CDC40: variants seen among roughly 807,000 people sequenced by gnomAD.
CDC40 encodes pre-mRNA-processing factor 17.
In CDC40, 27 loss-of-function variants were observed where a neutral mutation model predicts 80.6. The ratio of observed to expected loss-of-function variants is 0.33; its 90% CI spans 0.25 to 0.46. CDC40 has a LOEUF of 0.46. Among genes scored for constraint, CDC40 ranks in the 20% least tolerant of loss-of-function variants. The pLI, the probability that CDC40 is intolerant of heterozygous loss-of-function variation, is 1.00. For missense variants in CDC40, 486 were observed against 694.1 expected (o/e 0.70, Z 3.37); for synonymous variants, 221 against 232.6 (o/e 0.95, Z 0.45).
intron 9 of CDC40, among the ~76,000 whole-genome samples, chr6:110,217,108 A>C (rs1488443235): frequency 6.6e-6 from 1 of 152,182 alleles, no homozygotes; most frequent in Non-Finnish European, 1.5e-5. Context: ...CCCTATCTCA[A>C]AATAAAAATA....
In CDC40 at chr6:110,215,302, G is replaced by A. The variant is rs768630865; in HGVS notation, c.959G>A (p.Gly320Glu). 1.2e-6 allele frequency: 2 copies of A among 1,613,536 alleles called. No individual in the cohort carries two copies. Among genetic ancestry groups the A allele is most frequent in the South Asian group, 1.1e-5 (1 of 91,056 alleles). The change falls in exon 9 of 15, where the codon GGA (glycine) becomes GAA (glutamate). Residue 320 changes from glycine to glutamate, a missense_variant. Around this residue, in one of 3 missense-constraint regions of CDC40, gnomAD observed 381 missense variants for 492.1 expected, o/e 0.77. Transcript: ENST00000307731. The stretch of plus-strand genomic sequence containing the variant: ...CTCCCCCAGCTATGGGAGGTTTATG[G>A]AGAACGGCGCTGTCTGAGAACATTT... ...DCKIKLWEVY[G>E]ERRCLRTFIG...
intron 5 of CDC40, among the ~76,000 whole-genome samples, chr6:110,210,366 ACAGTAAAACCCT>A (rs1777621218): frequency 6.6e-6 from 1 of 151,418 alleles, no homozygotes; most frequent in South Asian, 2.1e-4. Context: ...CCTGGGCAAC[ACAGTAAAACCCT>A]GTCTCTACTA....
Position 110,230,374 on chromosome 6 carries a change from C to G in CDC40, c.*243C>G. The G allele has an allele frequency of 2.6e-6, 1 of 384,692 alleles. No individual in the cohort carries two copies. The highest frequency in any genetic ancestry group is 4.6e-6 in the Non-Finnish European group (1 of 215,614). 23.8% of individuals were successfully genotyped at this position (384,692 alleles called of 1,614,324 possible). On this transcript the variant is annotated 3_prime_UTR_variant, in exon 15 of 15. Transcript: ENST00000307731. ...CTATTTGACAAGTAGTTATAATTGG[C>G]AAGCAGTTTGAGTTTATACTCATGA...
chr6:110,209,421 T>C, intron 5 of CDC40, 198 bp downstream of exon 5: 1 of 465,012 alleles, frequency 2.2e-6, no homozygotes. Flanking sequence ...TCTGCTGATT[T>C]GTTTTCTCTC....
intron 12 of CDC40, among the ~76,000 whole-genome samples, chr6:110,220,897 A>G (rs929067759): frequency 2.0e-5 from 3 of 152,280 alleles, no homozygotes; most frequent in Non-Finnish European, 4.4e-5. Flanking sequence ...TATCTCCCAC[A>G]GGGTCCCTCC....
At chr6:110,192,154 A>G (rs1241086213) in intron 1 of CDC40, among the ~76,000 whole-genome samples, 1 of 152,174 alleles carries the variant, frequency 6.6e-6, no homozygotes, top group Non-Finnish European at 1.5e-5. Context: ...TTTTGAAAGA[A>G]TCATACTATC....
intron 12 of CDC40, among the ~76,000 whole-genome samples, chr6:110,220,741 A>G (rs535683517): frequency 3.7e-4 from 56 of 152,344 alleles, no homozygotes; most frequent in South Asian, 1.0e-3. Context: ...CACTGCACCC[A>G]GCCAGAAAGG....
At chr6:110,182,888 T>C (rs778769754) in intron 1 of CDC40, among the ~76,000 whole-genome samples, 1 of 152,250 alleles carries the variant, frequency 6.6e-6, no homozygotes, top group Non-Finnish European at 1.5e-5. Context: ...AGAATGATCT[T>C]TGTAAATTCC....
At chr6:110,181,180 C>T (rs1777184310) in intron 1 of CDC40, among the ~76,000 whole-genome samples, 1 of 152,128 alleles carries the variant, frequency 6.6e-6, no homozygotes, top group Non-Finnish European at 1.5e-5. Flanking sequence ...AGCACAGAGC[C>T]AACTAGTGAG....
Position 110,202,268 on chromosome 6 carries a change from ATAGACT to A in CDC40, c.406+586_406+591del, listed in dbSNP as rs575153346. 1.2e-3 allele frequency among the ~76,000 whole-genome samples: 177 copies of A among 152,292 alleles called. 1 individual carries two copies. The highest frequency in any genetic ancestry group is 1.0e-3 in the Non-Finnish European group (70 of 68,008). ...CATACTTCACCATGGTAAGATTGTA[ATAGACT>A]TAGAATGTACCAAATATCACAGCCA... On this transcript the variant is annotated intron_variant, in intron 3 of 14. Coordinates refer to ENST00000307731, the MANE Select transcript of CDC40 (RefSeq NM_015891.3).
At chr6:110,208,575 T>A (rs1777592958) in intron 4 of CDC40, among the ~76,000 whole-genome samples, 1 of 152,186 alleles carries the variant, frequency 6.6e-6, no homozygotes, top group African/African-American at 2.4e-5. Flanking sequence ...CTTGTTTGAT[T>A]TACATTTTTG....
At chr6:110,202,464 T>G (rs1777505606) in intron 3 of CDC40, among the ~76,000 whole-genome samples, 1 of 152,220 alleles carries the variant, frequency 6.6e-6, no homozygotes. Context: ...TTTTGTTATA[T>G]TCTAACCTAT....
intron 9 of CDC40, among the ~76,000 whole-genome samples, chr6:110,216,962 C>G (rs892415936): frequency 6.6e-6 from 1 of 151,944 alleles, no homozygotes; most frequent in African/African-American, 2.4e-5. Context: ...CAGAAATTAG[C>G]CAGGCGTTGT....
At chr6:110,224,996 T>C (rs1043290202) in intron 12 of CDC40, among the ~76,000 whole-genome samples, 1 of 152,232 alleles carries the variant, frequency 6.6e-6, no homozygotes, top group Non-Finnish European at 1.5e-5. Flanking sequence ...TGGTTCATTA[T>C]AAATGTCAGT....
rs769438606 is a variant in CDC40, at chr6:110,207,577, G to A, written c.478G>A (p.Glu160Lys). 23 of 1,555,768 alleles carry A rather than the reference G, an allele frequency of 1.5e-5. No homozygotes were observed. In the African/African-American group the frequency reaches 2.6e-4, roughly 17 times the overall value. Residue 160 changes from glutamate (E) to lysine (K), a missense_variant, in exon 4 of 15, where the codon GAA becomes AAA. This residue lies in a region of CDC40 where 381 missense variants were observed against 492.1 expected (regional missense o/e 0.77). Transcript: ENST00000307731. Reference protein sequence around the residue: ...AKYIGSVEEAEKNQGLTVFET... With the variant: ...AKYIGSVEEAKKNQGLTVFET... ...ATATATTGGTTCTGTAGAAGAAGCTGAAAAAAATCAAGGTAATTTATTTGA... is the reference window on the plus strand; with the variant it reads ...ATATATTGGTTCTGTAGAAGAAGCTAAAAAAAATCAAGGTAATTTATTTGA...
intron 2 of CDC40, among the ~76,000 whole-genome samples, chr6:110,196,655 G>A (rs553238686): frequency 1.3e-5 from 2 of 152,234 alleles, no homozygotes; most frequent in South Asian, 2.1e-4. Flanking sequence ...AAATATTAAT[G>A]TTATGATGAA....
chr6:110,180,566 C>T lies in CDC40; in HGVS notation c.122C>T (p.Thr41Ile), dbSNP rs768654725. 2.5e-6 allele frequency: 4 copies of T among 1,614,090 alleles called. No homozygotes were observed. The highest frequency in any genetic ancestry group is 3.4e-6 in the Non-Finnish European group (4 of 1,180,030). The change falls in exon 1 of 15, where the codon ACT becomes ATT. Residue 41 changes from threonine (T) to isoleucine (I), a missense_variant. Thr to Ile is a moderately conservative substitution (Grantham distance 89). Coordinates refer to ENST00000307731, the MANE Select transcript of CDC40 (RefSeq NM_015891.3). Reference sequence around the variant, plus strand: ...GCCGCCGACTCCCTCATGCACTTGACTAAATCGCCTTCATCAAAGCCGTCT... The same window carrying T: ...GCCGCCGACTCCCTCATGCACTTGATTAAATCGCCTTCATCAAAGCCGTCT... ...LPAADSLMHL[T>I]KSPSSKPSLA...
chr6:110,193,868 C>T (rs1308200755), intron 2 of CDC40, among the ~76,000 whole-genome samples: 2 of 152,204 alleles, frequency 1.3e-5, no homozygotes, highest in African/African-American at 2.4e-5. Context: ...ACTTAGTTGA[C>T]ATCTTCCTCT....
chr6:110,198,526 CT>C, intron 2 of CDC40, among the ~76,000 whole-genome samples: 1 of 152,114 alleles, frequency 6.6e-6, no homozygotes, highest in East Asian at 1.9e-4. Context: ...AATTCAAGTC[CT>C]TTGCCAATTT....
Sources: gnomAD v4.1 joint callset for allele counts (sites outside exome capture counted in the v4.1 genomes callset) on GRCh38, gnomAD v4.1.1 for gene constraint, gnomAD v4.1.1 regional missense constraint, MANE v1.5 for transcripts, NCBI Gene and HGNC (gene_info 2026-07-23, HGNC 2026-07-21) for gene names.